Variants in PCDHGB2 observed in about 807,000 individuals in gnomAD.
PCDHGB2 encodes the protein protocadherin gamma-B2.
A neutral mutation model predicts 59.3 loss-of-function variants in PCDHGB2; 55 were observed. That is an observed-to-expected ratio of 0.93 (90% CI 0.75 to 1.16). The LOEUF is 1.16. Among genes scored for constraint, PCDHGB2 ranks in the 50% most tolerant of loss-of-function variants. PCDHGB2 has a pLI of 0.00. For missense variants in PCDHGB2, 1,228 were observed against 1,198.5 expected, an observed-to-expected ratio of 1.02 and a Z score of -0.36; for synonymous variants, 516 against 512.0, an observed-to-expected ratio of 1.01 and a Z score of -0.11.
At position 141,477,068 on chromosome 5, in the gene PCDHGB2, C is replaced by A; in HGVS notation, c.2422-17739C>A. 6.2e-7 allele frequency: 1 copy of A among 1,614,268 alleles called. No homozygotes were observed. The highest frequency in any genetic ancestry group is 8.5e-7 in the Non-Finnish European group (1 of 1,180,046). On this transcript the variant is annotated intron_variant, in intron 1 of 3. Transcript: ENST00000522605. This position sits in a 1 kb window ranked among gnomAD's most constrained non-coding sequence, Gnocchi z 4.9. ...GCTGGACTTCGAGGACACCAAACTCCATGAGATTTACATCCAGGCCAAAGA... is the reference window on the plus strand; with the variant it reads ...GCTGGACTTCGAGGACACCAAACTCAATGAGATTTACATCCAGGCCAAAGA...
At chr5:141,423,303 G>C (rs779246046) in intron 1 of PCDHGB2, 2 of 1,614,172 alleles carry the variant, frequency 1.2e-6, no homozygotes, top group Non-Finnish European at 1.7e-6. Flanking sequence ...ACCTCTCGCT[G>C]TACTTGGTGG....
At chr5:141,498,588 A>G (rs1326073516) in intron 2 of PCDHGB2, among the ~76,000 whole-genome samples, 1 of 152,082 alleles carries the variant, frequency 6.6e-6, no homozygotes, top group Non-Finnish European at 1.5e-5. Context: ...GTTCTTCAGT[A>G]AACTTGGTTC....
At chr5:141,410,086 G>T in intron 1 of PCDHGB2, 1 of 1,612,588 alleles carries the variant, frequency 6.2e-7, no homozygotes, top group Non-Finnish European at 8.5e-7. Flanking sequence ...AGGTGCGCAC[G>T]GCTCGAGCCT....
Position 141,413,628 on chromosome 5 carries a change from T to G in PCDHGB2, c.2421+51072T>G, listed in dbSNP as rs570797524. 4.3e-6 allele frequency: 7 copies of G among 1,613,878 alleles called. No homozygotes were observed. The African/African-American group carries it at 6.7e-5, about 15-fold the overall frequency. On this transcript the variant is annotated intron_variant, in intron 1 of 3. Coordinates refer to ENST00000522605, the MANE Select transcript of PCDHGB2 (RefSeq NM_018923.3). ...ACGTAAAAATTAATGAAAATGTCGC[T>G]GCGGGAATGCGTTTTCCTCTCCCGG...
intron 1 of PCDHGB2, among the ~76,000 whole-genome samples, chr5:141,443,727 A>T: frequency 6.6e-6 from 1 of 152,220 alleles, no homozygotes; most frequent in Non-Finnish European, 1.5e-5. Context: ...AATTCCTCAT[A>T]CATTTCCCTA....
chr5:141,508,091 GCCC>G (rs2099866180), intron 3 of PCDHGB2: 1 of 152,482 alleles, frequency 6.6e-6, no homozygotes, highest in Non-Finnish European at 1.5e-5. Flanking sequence ...TGCTGCCTTG[GCCC>G]TGGGATGGGG....
At chr5:141,436,327 C>T (rs1384222077) in intron 1 of PCDHGB2, among the ~76,000 whole-genome samples, 1 of 152,098 alleles carries the variant, frequency 6.6e-6, no homozygotes, top group Admixed American at 6.5e-5. Flanking sequence ...ACTGTTAGAC[C>T]ATATCTCAAA....
rs766042374 is a variant in PCDHGB2 at position 141,418,520 on chromosome 5, C to A, written c.2421+55964C>A. ...GACCGCCTTAGATGGTGGGGACCCTCCCCGAAGCGGTACTGCTCAGATAAG... is the reference window on the plus strand; with the variant it reads ...GACCGCCTTAGATGGTGGGGACCCTACCCGAAGCGGTACTGCTCAGATAAG... On this transcript the variant is annotated intron_variant, in intron 1 of 3. Transcript: ENST00000522605. 6 of 1,613,818 alleles carry A rather than the reference C, an allele frequency of 3.7e-6. No individual in the cohort carries two copies. The highest frequency in any genetic ancestry group is 5.1e-6 in the Non-Finnish European group (6 of 1,179,890).
rs765353257 is a variant in PCDHGB2 at position 141,431,824 on chromosome 5, G to A, written c.2422-62983G>A. On this transcript the variant is annotated intron_variant, in intron 1 of 3. Coordinates refer to ENST00000522605, the MANE Select transcript of PCDHGB2 (RefSeq NM_018923.3). The surrounding 1 kb of genome is among the most constrained non-coding windows in gnomAD (Gnocchi z 4.8). ...TGGTCCTCACCTCTCTCGCCAGCTC[G>A]GTTCCCGAAAACTCTCCCAGAGGGA... is the stretch of plus-strand genomic sequence containing the variant. The A allele has an allele frequency of 1.3e-5, 21 of 1,614,092 alleles. No homozygotes were observed. In the South Asian group the frequency reaches 2.1e-4, roughly 16 times the overall value.
chr5:141,478,819 C>T, intron 1 of PCDHGB2: 8 of 1,447,842 alleles, frequency 5.5e-6, no homozygotes, highest in South Asian at 3.0e-5. Flanking sequence ...CACAACTAAC[C>T]AATCTTGCTA....
At chr5:141,408,280 C>A in intron 1 of PCDHGB2, 4 of 1,612,648 alleles carry the variant, frequency 2.5e-6, no homozygotes, top group Non-Finnish European at 3.4e-6. Context: ...CTTTGTTCTA[C>A]CCCACCCTGA....
intron 1 of PCDHGB2, chr5:141,384,549 G>T (rs1561602881): frequency 6.2e-7 from 1 of 1,614,244 alleles, no homozygotes; most frequent in East Asian, 2.2e-5. Flanking sequence ...CACTGAGCCT[G>T]TTCGTGCTGG....
chr5:141,484,004 G>C (rs1042457090), intron 1 of PCDHGB2, among the ~76,000 whole-genome samples: 5 of 146,164 alleles, frequency 3.4e-5, no homozygotes, highest in Non-Finnish European at 4.5e-5. Flanking sequence ...AGGTCTGGAT[G>C]AGGGTGGGGG....
intron 1 of PCDHGB2, among the ~76,000 whole-genome samples, chr5:141,445,978 TTATAAA>T (rs551337386): frequency 6.6e-6 from 1 of 152,272 alleles, no homozygotes; most frequent in East Asian, 1.9e-4. Context: ...TTTATGAGGG[TTATAAA>T]TAGAAATAGG....
chr5:141,436,859 A>T (rs550974791), intron 1 of PCDHGB2, among the ~76,000 whole-genome samples: 1 of 152,250 alleles, frequency 6.6e-6, no homozygotes, highest in Non-Finnish European at 1.5e-5. Flanking sequence ...TTGAGAAGCC[A>T]CAGTTTTAGG....
chr5:141,444,376 G>A (rs977995642), intron 1 of PCDHGB2, among the ~76,000 whole-genome samples: 1 of 151,796 alleles, frequency 6.6e-6, no homozygotes, highest in Non-Finnish European at 1.5e-5. Flanking sequence ...TCTCCATGTT[G>A]GTCAGGCTAG....
Position 141,427,970 on chromosome 5 carries a change from C to A in PCDHGB2, c.2421+65414C>A, listed in dbSNP as rs760792774. On this transcript the variant is annotated intron_variant, in intron 1 of 3. Coordinates refer to ENST00000522605, the MANE Select transcript of PCDHGB2 (RefSeq NM_018923.3). ...ATGACAATGTGCCGCGGGTGCTGTA[C>A]CCCGCGCTGGGGCCCGATGGCTCCG... 1.9e-6 allele frequency: 3 copies of A among 1,592,510 alleles called. No individual in the cohort carries two copies. The Admixed American group carries it at 5.0e-5, about 27-fold the overall frequency.
chr5:141,430,832 G>A (rs1398773861), intron 1 of PCDHGB2: 1 of 1,555,686 alleles, frequency 6.4e-7, no homozygotes, highest in South Asian at 1.3e-5. Flanking sequence ...GACTCTGTGG[G>A]AGACCGGATG....
chr5:141,383,273 A>G, intron 1 of PCDHGB2: 1 of 1,613,960 alleles, frequency 6.2e-7, no homozygotes, highest in Non-Finnish European at 8.5e-7. Flanking sequence ...GAAATAATAG[A>G]TATTAATGAC....
Sources: allele counts gnomAD v4.1 joint callset (sites outside exome capture counted in the v4.1 genomes callset), GRCh38; gene constraint gnomAD v4.1.1; non-coding constraint Gnocchi (gnomAD v3.1); transcripts MANE v1.5; gene names NCBI Gene and HGNC (gene_info 2026-07-23, HGNC 2026-07-21).